KCTD8: variants seen among roughly 807,000 people sequenced by gnomAD.
KCTD8 encodes the protein BTB/POZ domain-containing protein KCTD8.
Under a neutral mutation model 31.5 loss-of-function variants are expected in KCTD8, and 27 were observed. The ratio of observed to expected loss-of-function variants is 0.86; its 90% CI spans 0.63 to 1.18. KCTD8 has a LOEUF of 1.18. Among genes scored for constraint, KCTD8 ranks in the 50% most tolerant of loss-of-function variants. The probability of loss-of-function intolerance (pLI) is 0.00; values close to 1 mark genes in which losing one functional copy is unlikely to be tolerated. For synonymous variants in KCTD8, 290 were observed against 280.0 expected (o/e 1.04, Z -0.36); for missense variants, 658 against 647.7 (o/e 1.02, Z -0.17).
At chr4:44,356,313 G>A (rs1199387078) in intron 1 of KCTD8, among the ~76,000 whole-genome samples, 1 of 152,116 alleles carries the variant, frequency 6.6e-6, no homozygotes, top group Non-Finnish European at 1.5e-5. Flanking sequence ...GGTCTCTCTT[G>A]TACTTCTTTG....
intron 1 of KCTD8, among the ~76,000 whole-genome samples, chr4:44,337,686 T>A (rs202033292): frequency 0.56 from 81,293 of 144,492 alleles, 23,327 homozygotes; most frequent in Non-Finnish European, 0.64. Flanking sequence ...AAAATATATA[T>A]ATATATATAT....
At chr4:44,214,857 C>T (rs1714603633) in intron 1 of KCTD8, among the ~76,000 whole-genome samples, 2 of 152,296 alleles carry the variant, frequency 1.3e-5, no homozygotes, top group South Asian at 4.1e-4. Flanking sequence ...AGGAGTCATG[C>T]ATCTGGAGGC....
intron 1 of KCTD8, among the ~76,000 whole-genome samples, chr4:44,304,893 A>T (rs1717754730): frequency 1.3e-5 from 2 of 151,842 alleles, no homozygotes; most frequent in Admixed American, 6.6e-5. Context: ...TAGAAGGCTG[A>T]GGTGGGAGGA....
At chr4:44,188,448 T>C (rs953455945) in intron 1 of KCTD8, among the ~76,000 whole-genome samples, 1 of 152,206 alleles carries the variant, frequency 6.6e-6, no homozygotes. Context: ...TTTCCTATTC[T>C]GTCTAAAAAG....
rs1293874790 is a variant in KCTD8, at chr4:44,179,290, T to C, written c.962-4040A>G. On this transcript the variant is annotated intron_variant, in intron 1 of 1. Coordinates refer to ENST00000360029, the MANE Select transcript of KCTD8 (RefSeq NM_198353.3). ...AGGGCATGGTCGGAAATAGAGTCTA[T>C]TAAAGAATAGTATTTTATAATTATA... Among the ~76,000 whole-genome samples, 4 of 152,050 alleles carry C rather than the reference T, an allele frequency of 2.6e-5. No homozygotes were observed. In the East Asian group the frequency reaches 7.7e-4, roughly 29 times the overall value.
intron 1 of KCTD8, among the ~76,000 whole-genome samples, chr4:44,361,077 CTTGATCGTACTCACTTCAAGTTT>C (rs1361736322): frequency 2.9e-4 from 44 of 152,006 alleles, no homozygotes; most frequent in Non-Finnish European, 5.7e-4. Flanking sequence ...TTTTTTCTCC[CTTGATCGTACTCACTTCAAGTTT>C]TTCACTGACA....
intron 1 of KCTD8, among the ~76,000 whole-genome samples, chr4:44,329,356 A>C (rs1718534217): frequency 1.3e-5 from 2 of 150,640 alleles, no homozygotes; most frequent in South Asian, 4.1e-4. Context: ...TTGAAGAAAA[A>C]TATGAGAAAA....
intron 1 of KCTD8, among the ~76,000 whole-genome samples, chr4:44,220,620 A>G (rs1305799729): frequency 1.3e-5 from 2 of 152,216 alleles, no homozygotes; most frequent in African/African-American, 4.8e-5. Flanking sequence ...ATCTTGCCAC[A>G]TTACGTTCTT....
At chr4:44,439,754 T>C (rs1417939805) in intron 1 of KCTD8, among the ~76,000 whole-genome samples, 1 of 152,052 alleles carries the variant, frequency 6.6e-6, no homozygotes, top group Non-Finnish European at 1.5e-5. Context: ...GGAGGCAATA[T>C]TCTCTTTGCA....
intron 1 of KCTD8, among the ~76,000 whole-genome samples, chr4:44,313,570 T>C (rs570154060): frequency 9.2e-5 from 14 of 152,354 alleles, no homozygotes; most frequent in Non-Finnish European, 2.1e-4. Context: ...TGTTAAGTGC[T>C]TCAAAAATTA....
At chr4:44,411,094 G>T (rs1315336592) in intron 1 of KCTD8, among the ~76,000 whole-genome samples, 3 of 152,032 alleles carry the variant, frequency 2.0e-5, no homozygotes, top group African/African-American at 7.2e-5. Context: ...AACTCCATAT[G>T]TCTCACAATT....
chr4:44,235,603 A>T (rs1288371956), intron 1 of KCTD8, among the ~76,000 whole-genome samples: 4 of 134,792 alleles, frequency 3.0e-5, no homozygotes, highest in African/African-American at 1.1e-4. Context: ...AGAGAGAGAG[A>T]GTATGAGTAA....
chr4:44,212,633 A>G (rs1165346757), intron 1 of KCTD8, among the ~76,000 whole-genome samples: 4 of 152,184 alleles, frequency 2.6e-5, no homozygotes, highest in Admixed American at 2.6e-4. Flanking sequence ...AAAACTTTAA[A>G]TTAAAAAAAA....
intron 1 of KCTD8, among the ~76,000 whole-genome samples, chr4:44,262,329 G>T (rs902423896): frequency 1.3e-5 from 2 of 151,946 alleles, no homozygotes; most frequent in African/African-American, 2.4e-5. Context: ...GACCCATTGT[G>T]AGAGAGATAT....
chr4:44,369,717 C>T lies in KCTD8; in HGVS notation c.961+77846G>A, dbSNP rs148176532. Among the ~76,000 whole-genome samples, 308 of 152,154 alleles carry T rather than the reference C, an allele frequency of 2.0e-3. 7 individuals are homozygous for T. In the East Asian group the frequency reaches 0.051, roughly 25 times the overall value. ...GAGGCTGAGGTGGGAGAGTCACCTTCAGCCAGGGGGGTTGTGGCTGCAGTG... is the reference window on the plus strand; with the variant it reads ...GAGGCTGAGGTGGGAGAGTCACCTTTAGCCAGGGGGGTTGTGGCTGCAGTG... On this transcript the variant is annotated intron_variant, in intron 1 of 1. Coordinates refer to ENST00000360029, the MANE Select transcript of KCTD8 (RefSeq NM_198353.3).
At chr4:44,313,022 C>T (rs1299976969) in intron 1 of KCTD8, among the ~76,000 whole-genome samples, 1 of 152,060 alleles carries the variant, frequency 6.6e-6, no homozygotes, top group African/African-American at 2.4e-5. Flanking sequence ...TTTGAGGTCA[C>T]TTTCATAATC....
intron 1 of KCTD8, among the ~76,000 whole-genome samples, chr4:44,382,586 C>T (rs927566225): frequency 2.0e-5 from 3 of 151,744 alleles, no homozygotes; most frequent in African/African-American, 4.8e-5. Context: ...AAAAATTACC[C>T]GGGCGTGGTG....
intron 1 of KCTD8, among the ~76,000 whole-genome samples, chr4:44,312,674 C>T (rs1215845147): frequency 2.0e-5 from 3 of 152,116 alleles, no homozygotes; most frequent in Non-Finnish European, 2.9e-5. Flanking sequence ...TGCATCCCTC[C>T]ATAACTTCTT....
chr4:44,298,428 T>G lies in KCTD8; in HGVS notation c.962-123178A>C, dbSNP rs572408962. 1.1e-3 allele frequency among the ~76,000 whole-genome samples: 170 copies of G among 150,996 alleles called. 1 individual carries two copies. The highest frequency in any genetic ancestry group is 4.0e-3 in the African/African-American group (165 of 41,460). On this transcript the variant is annotated intron_variant, in intron 1 of 1. Transcript: ENST00000360029. ...TCTGCCCCCCCCACCTCTTTATTTT[T>G]CTGTATAATAAAATTAACTAAGATG... is the stretch of plus-strand genomic sequence containing the variant.
Sources: gnomAD v4.1 joint callset for allele counts (sites outside exome capture counted in the v4.1 genomes callset) on GRCh38, gnomAD v4.1.1 for gene constraint, MANE v1.5 for transcripts, NCBI Gene and HGNC (gene_info 2026-07-23, HGNC 2026-07-21) for gene names.